AGTRAP: variants seen among roughly 807,000 people sequenced by gnomAD.
The protein encoded by AGTRAP is type-1 angiotensin II receptor-associated protein.
AGTRAP carries 7 observed loss-of-function variants against 15.2 expected under a neutral mutation model. The observed-to-expected ratio is 0.46, with a 90% CI of 0.26 to 0.87. The LOEUF is 0.87. AGTRAP is among the 40% of genes least tolerant of loss of function. The pLI, the probability that AGTRAP is intolerant of heterozygous loss-of-function variation, is 0.15. For missense variants in AGTRAP, 187 were observed against 213.4 expected (o/e 0.88, Z 0.77); for synonymous variants, 74 against 89.6 (o/e 0.83, Z 0.98).
intron 1 of AGTRAP, chr1:11,744,625 C>G: frequency 1.4e-6 from 1 of 707,590 alleles, no homozygotes; most frequent in Non-Finnish European, 2.6e-6. Flanking sequence ...AGAGCAGATT[C>G]CCTGCATTCC....
intron 1 of AGTRAP, among the ~76,000 whole-genome samples, chr1:11,739,918 A>C (rs936798632): frequency 2.0e-5 from 3 of 152,238 alleles, no homozygotes; most frequent in African/African-American, 4.8e-5. Context: ...AAGGAGCCTG[A>C]GGCCTTGGCG....
intron 2 of AGTRAP, chr1:11,746,553 A>T (rs1217950088): frequency 8.3e-6 from 2 of 242,206 alleles, no homozygotes; most frequent in Non-Finnish European, 1.7e-5. Context: ...TGTCCCCCTG[A>T]GTCTTCCTTG....
In AGTRAP at chr1:11,745,763, A is replaced by T; in HGVS notation, c.28-40A>T. 6.2e-7 allele frequency: 1 copy of T among 1,612,006 alleles called. No homozygotes were observed. Among genetic ancestry groups the T allele is most frequent in the South Asian group, 1.1e-5 (1 of 91,034 alleles). The stretch of plus-strand genomic sequence containing the variant: ...ACGCTTTCCTGCCCCTGTGGTGGTC[A>T]TGTTCACAGACCTCTTCTCTCCCCC... On this transcript the variant is annotated intron_variant, in intron 1 of 4. Transcript: ENST00000314340. The surrounding 1 kb of genome is among the most constrained non-coding windows in gnomAD (Gnocchi z 4.2).
rs1181329409 is a variant in AGTRAP, at chr1:11,750,188, A to G, written c.476A>G (p.Tyr159Cys). ...GGCAGGAGTCAAGATGCCCGAGGGT[A>G]CTGAAGCCAGCCACGCTGCGCCCGG... ...PEGRSQDARG[Y>C] The change falls in exon 5 of 5, where the codon TAC becomes TGC. Residue 159 changes from tyrosine (Y) to cysteine (C), a missense_variant. Coordinates refer to ENST00000314340, the MANE Select transcript of AGTRAP (RefSeq NM_020350.5). The G allele has an allele frequency of 1.2e-6, 2 of 1,612,762 alleles. No homozygotes were observed. The highest frequency in any genetic ancestry group is 1.7e-6 in the Non-Finnish European group (2 of 1,179,624).
In AGTRAP at chr1:11,744,092, A is replaced by G. The variant is rs148618845; in HGVS notation, c.28-1711A>G. On this transcript the variant is annotated intron_variant, in intron 1 of 4. Coordinates refer to ENST00000314340, the MANE Select transcript of AGTRAP (RefSeq NM_020350.5). The stretch of plus-strand genomic sequence containing the variant: ...GGAATTTGAGACTAGCCTGGTTAAC[A>G]TAGGGAGACCTTGTCTCTACAAAAA... Among the ~76,000 whole-genome samples, 890 of 152,232 alleles carry G rather than the reference A, an allele frequency of 5.8e-3. 24 individuals are homozygous for G. Among genetic ancestry groups the G allele is most frequent in the East Asian group, 0.049 (249 of 5,134 alleles).
intron 1 of AGTRAP, among the ~76,000 whole-genome samples, chr1:11,739,475 A>AG (rs1236117479): frequency 2.0e-5 from 3 of 152,078 alleles, no homozygotes; most frequent in African/African-American, 7.2e-5. Flanking sequence ...TCACTTGAAC[A>AG]CGGGAGGCAG....
In AGTRAP at chr1:11,750,496, G is replaced by C. The variant is rs1642293809; in HGVS notation, c.*304G>C. The stretch of plus-strand genomic sequence containing the variant: ...AGAGGCCCTCAGCCGAGTCCTGCCT[G>C]AGTGTTGCAAGCTCAGGCCTTTAAG... On this transcript the variant is annotated 3_prime_UTR_variant, in exon 5 of 5. Coordinates refer to ENST00000314340, the MANE Select transcript of AGTRAP (RefSeq NM_020350.5). 3 of 586,862 alleles carry C rather than the reference G, an allele frequency of 5.1e-6. No homozygotes were observed. The highest frequency in any genetic ancestry group is 9.1e-6 in the Non-Finnish European group (3 of 329,224). The allele number at this position is 586,862 out of a possible 1,614,324, so 36.4% of individuals were successfully genotyped here.
chr1:11,742,087 C>T (rs182359126), intron 1 of AGTRAP, among the ~76,000 whole-genome samples: 1 of 152,388 alleles, frequency 6.6e-6, no homozygotes, highest in East Asian at 1.9e-4. Context: ...ACCTTTCTCA[C>T]AAGCCCAAAC....
At position 11,750,629 on chromosome 1, in the gene AGTRAP, G is replaced by T; in HGVS notation, c.*437G>T. 2.7e-6 allele frequency: 1 copy of T among 370,214 alleles called. No individual in the cohort carries two copies. The highest frequency in any genetic ancestry group is 5.0e-6 in the Non-Finnish European group (1 of 200,888). 22.9% of individuals were successfully genotyped at this position (370,214 alleles called of 1,614,324 possible). ...GAGGAGCAGTCTGGCATGGGAGTGA[G>T]GCCCCGTCCTTCTCACTGCCTGGTC... On this transcript the variant is annotated 3_prime_UTR_variant, in exon 5 of 5. Coordinates refer to ENST00000314340, the MANE Select transcript of AGTRAP (RefSeq NM_020350.5).
At chr1:11,747,927 CTACTT>C (rs1642207543) in intron 3 of AGTRAP, among the ~76,000 whole-genome samples, 1 of 152,204 alleles carries the variant, frequency 6.6e-6, no homozygotes, top group Non-Finnish European at 1.5e-5. Flanking sequence ...GGGCATTTCA[CTACTT>C]TAGGAAGTAG....
chr1:11,750,223 G>A lies in AGTRAP; in HGVS notation c.*31G>A, dbSNP rs367556539. On this transcript the variant is annotated 3_prime_UTR_variant, in exon 5 of 5. Transcript: ENST00000314340. ...GCCACGCTGCGCCCGGCCCTGCCCCGGGCCTTCCTCGTGCCTGGGAGGTCG... is the reference window on the plus strand; with the variant it reads ...GCCACGCTGCGCCCGGCCCTGCCCCAGGCCTTCCTCGTGCCTGGGAGGTCG... 7.3e-5 allele frequency: 115 copies of A among 1,574,886 alleles called. No individual in the cohort carries two copies. The highest frequency in any genetic ancestry group is 5.2e-4 in the East Asian group (23 of 44,538).
chr1:11,739,778 G>A (rs1641983028), intron 1 of AGTRAP, among the ~76,000 whole-genome samples: 2 of 152,216 alleles, frequency 1.3e-5, no homozygotes, highest in Non-Finnish European at 1.5e-5. Flanking sequence ...TGATGATGCA[G>A]GATCCCTGCC....
chr1:11,748,658 T>C, intron 4 of AGTRAP, 48 bp downstream of exon 4: 4 of 1,571,904 alleles, frequency 2.5e-6, no homozygotes, highest in Non-Finnish European at 3.4e-6. Flanking sequence ...CTTCTCTCCC[T>C]TGCCTGGCCT....
chr1:11,745,317 G>A lies in AGTRAP; in HGVS notation c.28-486G>A, dbSNP rs1236216096. Among the ~76,000 whole-genome samples the A allele has an allele frequency of 6.6e-6, 1 of 152,186 alleles. No individual in the cohort carries two copies. The highest frequency in any genetic ancestry group is 1.5e-5 in the Non-Finnish European group (1 of 68,038). ...GAGTGTAGCAGTGAGGACAACCAGA[G>A]GTTACTCTCGTGGCCATCTTGATTT... On this transcript the variant is annotated intron_variant, in intron 1 of 4. Transcript: ENST00000314340. This position sits in a 1 kb window ranked among gnomAD's most constrained non-coding sequence, Gnocchi z 4.2.
At chr1:11,746,479 C>A (rs1642167419) in intron 2 of AGTRAP, 3 of 395,366 alleles carry the variant, frequency 7.6e-6, no homozygotes, top group Non-Finnish European at 1.4e-5. Flanking sequence ...TAGGAAGCGC[C>A]CGCTGCATGC....
At chr1:11,744,705 G>A (rs1642118529) in intron 1 of AGTRAP, 2 of 572,564 alleles carry the variant, frequency 3.5e-6, no homozygotes, top group Admixed American at 3.3e-5. Context: ...AGGGTTCTTG[G>A]ATCTCGCACA....
At position 11,736,563 on chromosome 1, in the gene AGTRAP, A is replaced by T. The variant is rs376582860; in HGVS notation, c.27+328A>T. Among the ~76,000 whole-genome samples the T allele has an allele frequency of 3.9e-4, 59 of 152,158 alleles. No homozygotes were observed. In the East Asian group the frequency reaches 0.011, roughly 29 times the overall value. On this transcript the variant is annotated intron_variant, in intron 1 of 4. Coordinates refer to ENST00000314340, the MANE Select transcript of AGTRAP (RefSeq NM_020350.5). The stretch of plus-strand genomic sequence containing the variant: ...TGCACGCCCAGAATTCCCCTGGAGG[A>T]GGAGGAAGGTGCGCGGGAGGGGCTT...
chr1:11,748,460 A>T lies in AGTRAP; in HGVS notation c.214A>T (p.Ile72Phe), dbSNP rs1428241401. ...LATIFLDIVH[I>F]SIFYPRVSLT... ...CACCATCTTCCTGGACATCGTGCAC[A>T]TCAGCATCTTCTACCCGCGGGTCAG... Residue 72 changes from isoleucine to phenylalanine, a missense_variant, in exon 4 of 5, where the codon ATC becomes TTC. Coordinates refer to ENST00000314340, the MANE Select transcript of AGTRAP (RefSeq NM_020350.5). The T allele has an allele frequency of 6.2e-7, 1 of 1,613,772 alleles. No homozygotes were observed. Among genetic ancestry groups the T allele is most frequent in the Non-Finnish European group, 8.5e-7 (1 of 1,180,018 alleles).
rs1241280776 is a variant in AGTRAP, at chr1:11,745,265, A to T, written c.28-538A>T. Among the ~76,000 whole-genome samples the T allele has an allele frequency of 6.6e-6, 1 of 152,192 alleles. No individual in the cohort carries two copies. Among genetic ancestry groups the T allele is most frequent in the Non-Finnish European group, 1.5e-5 (1 of 68,030 alleles). ...GGTAACTTTCTGACGTTGCCATGGC[A>T]TTTGTAAACTGTCATAGTGCTGGTG... On this transcript the variant is annotated intron_variant, in intron 1 of 4. Coordinates refer to ENST00000314340, the MANE Select transcript of AGTRAP (RefSeq NM_020350.5). This position sits in a 1 kb window ranked among gnomAD's most constrained non-coding sequence, Gnocchi z 4.2.
Sources: gnomAD v4.1 joint callset for allele counts (sites outside exome capture counted in the v4.1 genomes callset) on GRCh38, gnomAD v4.1.1 for gene constraint, Gnocchi (gnomAD v3.1) non-coding constraint, MANE v1.5 for transcripts, NCBI Gene and HGNC (gene_info 2026-07-23, HGNC 2026-07-21) for gene names.